RECQL: variants seen among roughly 807,000 people sequenced by gnomAD.
The protein encoded by RECQL is ATP-dependent DNA helicase Q1.
RECQL carries 73 observed loss-of-function variants against 75.8 expected under a neutral mutation model. The observed-to-expected ratio is 0.96, with a 90% CI of 0.80 to 1.17. RECQL has a LOEUF of 1.17. Ranked by LOEUF, RECQL falls within the 50% of genes most tolerant of loss-of-function variation. RECQL has a pLI of 0.00. For missense variants in RECQL, 699 were observed against 772.1 expected, an observed-to-expected ratio of 0.91 and a Z score of 1.12; for synonymous variants, 248 against 254.4, an observed-to-expected ratio of 0.97 and a Z score of 0.24.
chr12:21,489,980 A>T (rs912779598), intron 4 of RECQL, among the ~76,000 whole-genome samples: 1 of 152,152 alleles, frequency 6.6e-6, no homozygotes, highest in East Asian at 1.9e-4. Context: ...CAATATACCC[A>T]TGTAACAAAC....
At chr12:21,477,073 G>T in intron 7 of RECQL, 81 bp from the exon 8 acceptor site, 1 of 881,334 alleles carries the variant, frequency 1.1e-6, no homozygotes, top group Non-Finnish European at 1.7e-6. Context: ...TCAGGATGCA[G>T]TTCTTTCATG....
chr12:21,476,776 C>T (rs1044765884), intron 8 of RECQL, 135 bp downstream of exon 8: 16 of 485,062 alleles, frequency 3.3e-5, no homozygotes, highest in Non-Finnish European at 5.0e-5. Context: ...AATTTTATCA[C>T]GTATTTTCAA....
intron 12 of RECQL, among the ~76,000 whole-genome samples, chr12:21,472,239 G>A (rs926744112): frequency 2.6e-5 from 4 of 151,920 alleles, no homozygotes; most frequent in African/African-American, 4.8e-5. Context: ...TACAACACAC[G>A]GATGAAAAAA....
chr12:21,475,321 A>G lies in RECQL; in HGVS notation c.1216+147T>C, dbSNP rs150881760. The G allele has an allele frequency of 8.1e-3, 4,711 of 578,812 alleles. 32 individuals carry two copies. Among genetic ancestry groups the G allele is most frequent in the Non-Finnish European group, 0.01 (3,464 of 336,564 alleles). 35.9% of individuals were successfully genotyped at this position (578,812 alleles called of 1,614,324 possible). ...AGAACATAAGTAAAAATTTCTCCAT[A>G]TGCAAGTAAGTGTCAAACTGCTAAA... is the stretch of plus-strand genomic sequence containing the variant. On this transcript the variant is annotated intron_variant, in intron 10 of 14. Transcript: ENST00000444129.
chr12:21,471,579 G>A lies in RECQL; in HGVS notation c.1516C>T (p.Leu506=), dbSNP rs751518659. The A allele has an allele frequency of 6.2e-7, 1 of 1,612,700 alleles. No individual in the cohort carries two copies. Among genetic ancestry groups the A allele is most frequent in the Non-Finnish European group, 8.5e-7 (1 of 1,179,238 alleles). The change falls in exon 13 of 15, where the codon CTG becomes TTG. Residue 506 remains leucine (L), a synonymous_variant. Coordinates refer to ENST00000444129, the MANE Select transcript of RECQL (RefSeq NM_002907.4). ...LIKILKQAEE[L]NEKLTPLKLI... is the part of the protein sequence containing the mutation. The stretch of plus-strand genomic sequence containing the variant: ...TTCAATGGAGTGAGTTTTTCATTCA[G>A]TTCCTCTGCCTGCTTCAGGATCTTG...
chr12:21,470,108 C>A lies in RECQL; in HGVS notation c.*86G>T, dbSNP rs1305866293. On this transcript the variant is annotated 3_prime_UTR_variant, in exon 15 of 15. Coordinates refer to ENST00000444129, the MANE Select transcript of RECQL (RefSeq NM_002907.4). ...ATACATATAAAATATCTATGAAATT[C>A]TTTTAAAAACTATTGTCTAACTACA... is the stretch of plus-strand genomic sequence containing the variant. 11 of 1,375,030 alleles carry A rather than the reference C, an allele frequency of 8.0e-6. No individual in the cohort carries two copies. The highest frequency in any genetic ancestry group is 2.4e-5 in the East Asian group (1 of 41,636). 85.2% of individuals were successfully genotyped at this position (1,375,030 alleles called of 1,614,324 possible).
intron 6 of RECQL, among the ~76,000 whole-genome samples, chr12:21,480,687 G>C (rs925124776): frequency 4.6e-5 from 7 of 152,068 alleles, no homozygotes; most frequent in Non-Finnish European, 8.8e-5. Flanking sequence ...TCCTGTGACT[G>C]TCACCCCTGC....
chr12:21,500,218 T>G (rs79552714), intron 1 of RECQL, among the ~76,000 whole-genome samples: 2,041 of 152,294 alleles, frequency 0.013, 22 homozygotes, highest in Non-Finnish European at 0.02. Context: ...AAACTGGTAT[T>G]CTACAGAAAA....
intron 8 of RECQL, 47 bp from the exon 9 acceptor site, chr12:21,475,871 G>A (rs776151560): frequency 2.7e-6 from 4 of 1,491,944 alleles, no homozygotes; most frequent in Non-Finnish European, 3.7e-6. Context: ...GCATATTCCT[G>A]GAAGATGGTT....
chr12:21,472,221 T>C (rs1270920835), intron 12 of RECQL, among the ~76,000 whole-genome samples: 1 of 152,062 alleles, frequency 6.6e-6, no homozygotes, highest in Non-Finnish European at 1.5e-5. Flanking sequence ...CTAGTCCAGA[T>C]CTTGAAATAC....
At chr12:21,475,412 T>G in intron 10 of RECQL, 56 bp downstream of exon 10, 1 of 998,122 alleles carries the variant, frequency 1.0e-6, no homozygotes, top group Non-Finnish European at 1.6e-6. Flanking sequence ...GCATTTATCA[T>G]GTATTTTTTG....
At chr12:21,483,623 G>T in intron 5 of RECQL, 49 bp from the exon 6 acceptor site, 1 of 1,325,030 alleles carries the variant, frequency 7.5e-7, no homozygotes, top group South Asian at 1.4e-5. Context: ...TAAGCTAGCA[G>T]ACTGAAATAC....
chr12:21,471,062 C>T lies in RECQL; in HGVS notation c.1704G>A (p.Ser568=), dbSNP rs2417989. ...TAGCTTTAGGTCCTATTTTCAAATA[C>T]GAAATGGTAGCATAAGCTGTAAAAC... ...DYSFTAYATI[S]YLKIGPKANL... is the part of the protein sequence containing the mutation. The change falls in exon 14 of 15, where the codon TCG becomes TCA. Residue 568 remains serine (S), a synonymous_variant. Transcript: ENST00000444129. 45 of 1,600,246 alleles carry T rather than the reference C, an allele frequency of 2.8e-5. No homozygotes were observed. In the Middle Eastern group the frequency reaches 1.0e-3, roughly 35 times the overall value.
intron 2 of RECQL, among the ~76,000 whole-genome samples, chr12:21,495,038 C>G (rs1377010879): frequency 6.6e-6 from 1 of 152,182 alleles, no homozygotes; most frequent in Non-Finnish European, 1.5e-5. Context: ...ACTGTGAAGT[C>G]CCTGAAACGG....
intron 6 of RECQL, among the ~76,000 whole-genome samples, chr12:21,479,595 C>T (rs1029429165): frequency 8.6e-5 from 13 of 152,016 alleles, no homozygotes; most frequent in Non-Finnish European, 1.3e-4. Flanking sequence ...TCAGGTGATC[C>T]GCCCGCCTCG....
chr12:21,477,910 T>A lies in RECQL; in HGVS notation c.760A>T (p.Thr254Ser). The A allele has an allele frequency of 1.2e-6, 2 of 1,613,954 alleles. No homozygotes were observed. The highest frequency in any genetic ancestry group is 1.7e-6 in the Non-Finnish European group (2 of 1,179,892). Reference protein sequence around the residue: ...QFPNASLIGLTATATNHVLTD... With the variant: ...QFPNASLIGLSATATNHVLTD... ...AAAACGTGATTTGTTGCAGTTGCAG[T>A]CAGCCCAATTAGTGATGCGTTAGGG... The change falls in exon 7 of 15, where the codon ACT becomes TCT. Residue 254 changes from threonine to serine, a missense_variant. Thr to Ser is a moderately conservative substitution (Grantham distance 58). Transcript: ENST00000444129.
intron 6 of RECQL, among the ~76,000 whole-genome samples, chr12:21,480,693 C>T (rs1943176516): frequency 6.6e-6 from 1 of 152,092 alleles, no homozygotes; most frequent in South Asian, 2.1e-4. Context: ...GACTGTCACC[C>T]CTGCAAGGCT....
rs1320111341 is a variant in RECQL at position 21,475,735 on chromosome 12, T to G, written c.1039A>C (p.Asn347His). ...LGIHAGAYHA[N>H]LEPEDKTTVH... ...GTGGTCTTATCTTCTGGCTCCAAATTGGCATGGTAAGCACCTGCATGAATT... is the reference window on the plus strand; with the variant it reads ...GTGGTCTTATCTTCTGGCTCCAAATGGGCATGGTAAGCACCTGCATGAATT... The change falls in exon 9 of 15, where the codon AAT becomes CAT. Residue 347 changes from asparagine (N) to histidine (H), a missense_variant. Physicochemically the swap from Asn to His is moderately conservative, Grantham distance 68. This residue lies in a region of RECQL where 669 missense variants were observed against 713.5 expected (regional missense o/e 0.94). Coordinates refer to ENST00000444129, the MANE Select transcript of RECQL (RefSeq NM_002907.4). The G allele has an allele frequency of 1.8e-5, 29 of 1,613,428 alleles. No homozygotes were observed. The highest frequency in any genetic ancestry group is 2.3e-5 in the Non-Finnish European group (27 of 1,179,588).
In RECQL at chr12:21,478,817, G is replaced by A. The variant is rs377302311; in HGVS notation, c.701-848C>T. Among the ~76,000 whole-genome samples, 5 of 152,268 alleles carry A rather than the reference G, an allele frequency of 3.3e-5. No individual in the cohort carries two copies. The East Asian group carries it at 5.8e-4, about 18-fold the overall frequency. ...AACCAGCTAACATCACTCCTTCAAG[G>A]TCTTTACACGCAGAGAGGATGATGG... On this transcript the variant is annotated intron_variant, in intron 6 of 14. Coordinates refer to ENST00000444129, the MANE Select transcript of RECQL (RefSeq NM_002907.4).
Sources: allele counts gnomAD v4.1 joint callset (sites outside exome capture counted in the v4.1 genomes callset), GRCh38; gene constraint gnomAD v4.1.1; regional missense constraint gnomAD v4.1.1; transcripts MANE v1.5; gene names NCBI Gene and HGNC (gene_info 2026-07-23, HGNC 2026-07-21).